Variants in MYCT1 observed in about 807,000 individuals in gnomAD.
MYCT1 encodes the protein myc target protein 1.
In MYCT1, 12 loss-of-function variants were observed where a neutral mutation model predicts 15.0. The ratio of observed to expected loss-of-function variants is 0.80; its 90% CI spans 0.51 to 1.29. The LOEUF (loss-of-function observed/expected upper bound fraction) is 1.29. Among genes scored for constraint, MYCT1 ranks in the 50% most tolerant of loss-of-function variants. The pLI, the probability that MYCT1 is intolerant of heterozygous loss-of-function variation, is 0.00. For synonymous variants in MYCT1, 104 were observed against 102.7 expected, an observed-to-expected ratio of 1.01 and a Z score of -0.07; for missense variants, 287 against 279.1, an observed-to-expected ratio of 1.03 and a Z score of -0.20.
chr6:152,736,233 G>A, the MYCT1 span, among the ~76,000 whole-genome samples: 5 of 152,076 alleles, frequency 3.3e-5, no homozygotes, highest in East Asian at 3.8e-4. Flanking sequence ...TCTGATTTTA[G>A]GTCCTAACAA....
At chr6:152,726,705 A>T (rs780642295), downstream of MYCT1, among the ~76,000 whole-genome samples, 1 of 152,094 alleles carries the variant, frequency 6.6e-6, no homozygotes, top group Non-Finnish European at 1.5e-5. Flanking sequence ...TCAACCAGCT[A>T]TCTCAGAAGC....
chr6:152,731,878 G>A, the MYCT1 span, among the ~76,000 whole-genome samples: 2 of 151,528 alleles, frequency 1.3e-5, no homozygotes, highest in East Asian at 3.9e-4. Flanking sequence ...CTCCCAAATA[G>A]CTGGGACTAT....
intron 1 of MYCT1, among the ~76,000 whole-genome samples, chr6:152,720,271 C>T (rs2099724452): frequency 6.6e-6 from 1 of 152,028 alleles, no homozygotes; most frequent in Admixed American, 6.6e-5. Context: ...AGGGTGGATG[C>T]TGAGCCTCTT....
rs1365397959 is a variant in MYCT1, at chr6:152,722,358, T to C, written c.*105T>C. 2 of 1,168,976 alleles carry C rather than the reference T, an allele frequency of 1.7e-6. No individual in the cohort carries two copies. Among genetic ancestry groups the C allele is most frequent in the Admixed American group, 5.1e-5 (2 of 39,044 alleles). The allele number at this position is 1,168,976 out of a possible 1,614,324, so 72.4% of individuals were successfully genotyped here. A position where few individuals can be genotyped will look rare whatever the true frequency, so the allele number is the denominator to read the frequency against. ...TTGAGGGCATGGCCCAAATAACTCA[T>C]GAGTTCCAAGTTGAAACATGGTTGT... On this transcript the variant is annotated 3_prime_UTR_variant, in exon 2 of 2. Transcript: ENST00000367245.
chr6:152,707,496 C>G (rs901440502), intron 1 of MYCT1, among the ~76,000 whole-genome samples: 2 of 152,042 alleles, frequency 1.3e-5, no homozygotes, highest in African/African-American at 4.8e-5. Flanking sequence ...TGTGCAGAAG[C>G]TTTGTAGTTT....
chr6:152,701,046 A>G (rs776818625), intron 1 of MYCT1, among the ~76,000 whole-genome samples: 1 of 152,246 alleles, frequency 6.6e-6, no homozygotes, highest in Non-Finnish European at 1.5e-5. Flanking sequence ...GCAATGGTTG[A>G]TAATATGAGT....
At chr6:152,742,683 TTC>T in the MYCT1 span, among the ~76,000 whole-genome samples, 22 of 152,296 alleles carry the variant, frequency 1.4e-4, no homozygotes, top group African/African-American at 5.1e-4. Flanking sequence ...AGGCCGGGCC[TTC>T]TTTAGTGGAT....
chr6:152,706,606 C>T (rs1021485158), intron 1 of MYCT1, among the ~76,000 whole-genome samples: 5 of 152,002 alleles, frequency 3.3e-5, no homozygotes, highest in African/African-American at 4.8e-5. Context: ...AAAAATACTA[C>T]CTTTTATTAT....
intron 1 of MYCT1, among the ~76,000 whole-genome samples, chr6:152,701,293 A>G (rs954340296): frequency 6.6e-6 from 1 of 152,196 alleles, no homozygotes; most frequent in Non-Finnish European, 1.5e-5. Context: ...AGGCATTTCA[A>G]GAGGTTTGGG....
the MYCT1 span, among the ~76,000 whole-genome samples, chr6:152,730,354 G>T: frequency 3.4e-4 from 52 of 152,146 alleles, no homozygotes; most frequent in Admixed American, 6.6e-5. Context: ...GGCCATTGTC[G>T]AAATGACACC....
the MYCT1 span, among the ~76,000 whole-genome samples, chr6:152,740,763 A>C: frequency 6.6e-6 from 1 of 152,174 alleles, no homozygotes; most frequent in Non-Finnish European, 1.5e-5. Context: ...ACTTTTGAAA[A>C]ACTAATTTTT....
chr6:152,728,675 C>T (rs1007634336), downstream of MYCT1, among the ~76,000 whole-genome samples: 1 of 152,066 alleles, frequency 6.6e-6, no homozygotes, highest in Admixed American at 6.6e-5. Context: ...GCAGGAGGAT[C>T]ACTTGAGCTC....
At chr6:152,745,036 A>G in the MYCT1 span, among the ~76,000 whole-genome samples, 1 of 152,130 alleles carries the variant, frequency 6.6e-6, no homozygotes, top group East Asian at 1.9e-4. Flanking sequence ...AAGAACAAAG[A>G]GAGGGAGGGA....
chr6:152,726,508 C>T (rs2099725693), downstream of MYCT1, among the ~76,000 whole-genome samples: 2 of 152,062 alleles, frequency 1.3e-5, no homozygotes, highest in African/African-American at 4.8e-5. Flanking sequence ...CATGGGGCCC[C>T]ACACTTCAGA....
In MYCT1 at chr6:152,708,482, C is replaced by T. The variant is rs2099722677; in HGVS notation, c.196+10384C>T. On this transcript the variant is annotated intron_variant, in intron 1 of 1. Coordinates refer to ENST00000367245, the MANE Select transcript of MYCT1 (RefSeq NM_025107.3). ...TCATTTGAGCCCAAAACTTTGAGAC[C>T]AGCCTGGATGATATAGTAAGTCCCT... is the stretch of plus-strand genomic sequence containing the variant. Among the ~76,000 whole-genome samples, 3 of 151,804 alleles carry T rather than the reference C, an allele frequency of 2.0e-5. No homozygotes were observed. In the South Asian group the frequency reaches 6.2e-4, roughly 32 times the overall value.
chr6:152,731,917 T>A, the MYCT1 span, among the ~76,000 whole-genome samples: 1 of 152,042 alleles, frequency 6.6e-6, no homozygotes, highest in African/African-American at 2.4e-5. Context: ...CCTGGCCAAT[T>A]TTTATATTTT....
At chr6:152,744,262 C>A in the MYCT1 span, among the ~76,000 whole-genome samples, 1 of 152,186 alleles carries the variant, frequency 6.6e-6, no homozygotes, top group Non-Finnish European at 1.5e-5. Flanking sequence ...CAGACCGGCT[C>A]GGGGCTAGAG....
chr6:152,740,774 T>C, the MYCT1 span, among the ~76,000 whole-genome samples: 1 of 152,168 alleles, frequency 6.6e-6, no homozygotes. Context: ...ACTAATTTTT[T>C]TATATAAAAA....
intron 1 of MYCT1, among the ~76,000 whole-genome samples, chr6:152,716,485 A>C (rs1565393741): frequency 6.6e-6 from 1 of 152,182 alleles, no homozygotes; most frequent in Non-Finnish European, 1.5e-5. Context: ...CAGAGTTGGA[A>C]TGCTTCAACT....
Sources: allele counts gnomAD v4.1 joint callset (sites outside exome capture counted in the v4.1 genomes callset), GRCh38; gene constraint gnomAD v4.1.1; transcripts MANE v1.5; gene names NCBI Gene and HGNC (gene_info 2026-07-23, HGNC 2026-07-21).